PDE1C: variants seen among roughly 807,000 people sequenced by gnomAD.
The protein encoded by PDE1C is phosphodiesterase 1C, also known as dual specificity calcium/calmodulin-dependent 3',5'-cyclic nucleotide phosphodiesterase 1C.
Under a neutral mutation model 93.1 loss-of-function variants are expected in PDE1C, and 62 were observed. That is an observed-to-expected ratio of 0.67 (90% confidence interval 0.54 to 0.82). The LOEUF is 0.82. PDE1C is among the 40% of genes least tolerant of loss of function. The pLI is 0.00. For missense variants in PDE1C, 742 were observed against 884.6 expected (o/e 0.84, Z 2.04); for synonymous variants, 325 against 310.1 (o/e 1.05, Z -0.50).
intron 3 of PDE1C, among the ~76,000 whole-genome samples, chr7:32,094,645 T>C (rs1797654143): frequency 6.6e-6 from 1 of 152,136 alleles, no homozygotes; most frequent in African/African-American, 2.4e-5. Flanking sequence ...TCTTTACTCG[T>C]TTGTGCAAGG....
intron 2 of PDE1C, among the ~76,000 whole-genome samples, chr7:31,912,460 T>C (rs1321891428): frequency 6.6e-6 from 1 of 151,682 alleles, no homozygotes; most frequent in African/African-American, 2.4e-5. Flanking sequence ...CCGAGACAGG[T>C]GGAATCCTTG....
chr7:31,802,361 C>T (rs1357975099), intron 16 of PDE1C, among the ~76,000 whole-genome samples: 1 of 151,598 alleles, frequency 6.6e-6, no homozygotes, highest in Non-Finnish European at 1.5e-5. Flanking sequence ...TTCTCCCCTA[C>T]TGGACTTTTT....
chr7:32,030,132 C>T (rs1167865357), intron 2 of PDE1C, among the ~76,000 whole-genome samples: 3 of 147,090 alleles, frequency 2.0e-5, no homozygotes, highest in African/African-American at 5.1e-5. Flanking sequence ...CACAAAGTGA[C>T]AATAGCTATA....
chr7:32,048,989 A>T (rs766533596), intron 2 of PDE1C, among the ~76,000 whole-genome samples: 1 of 152,220 alleles, frequency 6.6e-6, no homozygotes, highest in Non-Finnish European at 1.5e-5. Context: ...GACAGGTTTG[A>T]GCAGCTCTCT....
At chr7:32,368,686 A>C (rs766558775) in intron 1 of PDE1C, among the ~76,000 whole-genome samples, 12 of 152,140 alleles carry the variant, frequency 7.9e-5, no homozygotes, top group Non-Finnish European at 1.5e-4. Context: ...ACAAAGACAC[A>C]ATAGCCAAAG....
intron 2 of PDE1C, among the ~76,000 whole-genome samples, chr7:31,941,774 C>T (rs1354626225): frequency 6.6e-6 from 1 of 152,130 alleles, no homozygotes; most frequent in Non-Finnish European, 1.5e-5. Flanking sequence ...TGGGCACATC[C>T]CTTACCTTCT....
chr7:31,855,357 A>T (rs947791622), intron 7 of PDE1C, among the ~76,000 whole-genome samples: 3 of 152,066 alleles, frequency 2.0e-5, no homozygotes, highest in African/African-American at 7.2e-5. Flanking sequence ...CTTTGGCCAT[A>T]TCTCCTTGAC....
At chr7:31,970,718 T>C (rs1413109045) in intron 2 of PDE1C, among the ~76,000 whole-genome samples, 2 of 152,250 alleles carry the variant, frequency 1.3e-5, no homozygotes, top group Non-Finnish European at 2.9e-5. Context: ...ATGCCTCAAT[T>C]ATAATCCTTG....
intron 2 of PDE1C, among the ~76,000 whole-genome samples, chr7:32,028,377 C>G (rs1468376398): frequency 6.6e-6 from 1 of 152,100 alleles, no homozygotes; most frequent in Non-Finnish European, 1.5e-5. Flanking sequence ...ATTATTCCTA[C>G]TACTGGAGGT....
At position 31,899,724 on chromosome 7, in the gene PDE1C, G is replaced by A. The variant is rs117192598; in HGVS notation, c.129-18864C>T. On this transcript the variant is annotated intron_variant, in intron 2 of 17. Transcript: ENST00000396191. ...AAGAATGTGTAAACCCTTAGTATGA[G>A]CAGGCCTATGTAAATAGCAGATTAA... 2.6e-3 allele frequency among the ~76,000 whole-genome samples: 398 copies of A among 152,280 alleles called. 6 individuals carry two copies. In the Middle Eastern group the frequency reaches 0.034, roughly 13 times the overall value.
intron 2 of PDE1C, among the ~76,000 whole-genome samples, chr7:32,049,317 G>A (rs138206628): frequency 1.1e-4 from 16 of 152,210 alleles, no homozygotes; most frequent in Admixed American, 2.0e-4. Context: ...TCAATGACTC[G>A]TGCACTCTAT....
intron 2 of PDE1C, among the ~76,000 whole-genome samples, chr7:31,986,377 C>A (rs971920449): frequency 2.0e-5 from 3 of 152,150 alleles, no homozygotes; most frequent in Admixed American, 1.3e-4. Context: ...TCCAGGATGA[C>A]CTCATGTTGA....
chr7:32,088,047 T>C (rs371227687), intron 3 of PDE1C, among the ~76,000 whole-genome samples: 1 of 151,978 alleles, frequency 6.6e-6, no homozygotes, highest in South Asian at 2.1e-4. Context: ...AAAATGTGTT[T>C]ATGTCAAAAT....
At chr7:31,936,858 G>A (rs1280877475) in intron 2 of PDE1C, among the ~76,000 whole-genome samples, 6 of 152,160 alleles carry the variant, frequency 3.9e-5, no homozygotes, top group Admixed American at 6.5e-5. Context: ...CAGAGCCTCA[G>A]GAGGTCCTGA....
At chr7:32,199,447 G>A (rs962075130) in intron 2 of PDE1C, among the ~76,000 whole-genome samples, 6 of 151,876 alleles carry the variant, frequency 4.0e-5, no homozygotes, top group African/African-American at 7.3e-5. Context: ...TCTGTCTTCC[G>A]CAGTGTTTGA....
chr7:32,013,949 C>A (rs11771123), intron 2 of PDE1C, among the ~76,000 whole-genome samples: 8,530 of 152,278 alleles, frequency 0.056, 277 homozygotes, highest in Non-Finnish European at 0.074. Context: ...AATACACACA[C>A]CTCTCAAAAG....
At chr7:31,712,033 G>T in the PDE1C span, among the ~76,000 whole-genome samples, 1 of 152,190 alleles carries the variant, frequency 6.6e-6, no homozygotes. Flanking sequence ...ACTTTCTCGA[G>T]GAGAAACTCT....
chr7:31,789,953 TGCCC>T (rs1784391417), intron 16 of PDE1C: 1 of 1,205,756 alleles, frequency 8.3e-7, no homozygotes, highest in African/African-American at 1.6e-5. Flanking sequence ...ATTTTGAGGA[TGCCC>T]CTTCATGTTT....
At chr7:32,227,841 A>G (rs1807407125) in intron 1 of PDE1C, among the ~76,000 whole-genome samples, 1 of 152,210 alleles carries the variant, frequency 6.6e-6, no homozygotes. Context: ...CAGCCATGCT[A>G]TAAAGACATG....
Sources: allele counts gnomAD v4.1 joint callset (sites outside exome capture counted in the v4.1 genomes callset), GRCh38; gene constraint gnomAD v4.1.1; transcripts MANE v1.5; gene names NCBI Gene and HGNC (gene_info 2026-07-23, HGNC 2026-07-21).